Variants in RNF216 observed in about 807,000 individuals in gnomAD.
RNF216 encodes E3 ubiquitin-protein ligase RNF216.
RNF216 carries 72 observed loss-of-function variants against 110.8 expected under a neutral mutation model. The observed-to-expected ratio is 0.65, with a 90% CI of 0.54 to 0.79. RNF216 has a LOEUF of 0.79. Ranked by LOEUF, RNF216 falls within the 30% of genes least tolerant of loss-of-function variation. The pLI is 0.00. For missense variants in RNF216, 1,342 were observed against 1,141.2 expected (o/e 1.18, Z -2.54); for synonymous variants, 495 against 407.5 (o/e 1.21, Z -2.59).
At chr7:5,749,946 A>C (rs910896088) in intron 3 of RNF216, among the ~76,000 whole-genome samples, 2 of 152,178 alleles carry the variant, frequency 1.3e-5, no homozygotes, top group African/African-American at 2.4e-5. Context: ...GATTTAAGGA[A>C]ACTTTTTTCT....
At chr7:5,773,812 C>G (rs555938261) in intron 1 of RNF216, among the ~76,000 whole-genome samples, 91 of 152,304 alleles carry the variant, frequency 6.0e-4, no homozygotes, top group South Asian at 1.0e-3. Context: ...AGTGATCTGC[C>G]TGCCTCAGCC....
In RNF216 at chr7:5,696,940, C is replaced by G. The variant is rs1449668447; in HGVS notation, c.2061+14821G>C. On this transcript the variant is annotated intron_variant, in intron 13 of 16. Coordinates refer to ENST00000389902, the MANE Select transcript of RNF216 (RefSeq NM_207111.4). This position sits in a 1 kb window ranked among gnomAD's most constrained non-coding sequence, Gnocchi z 5.4. ...TCAAGGATCTACAAAATTCACCCTC[C>G]CACAAGCAGCATGTGATCCCACTGT... Among the ~76,000 whole-genome samples the G allele has an allele frequency of 6.6e-6, 1 of 152,106 alleles. No homozygotes were observed. The highest frequency in any genetic ancestry group is 1.5e-5 in the Non-Finnish European group (1 of 67,998).
chr7:5,641,965 G>A lies in RNF216; in HGVS notation c.2160-589C>T, dbSNP rs941919197. Among the ~76,000 whole-genome samples, 3 of 147,158 alleles carry A rather than the reference G, an allele frequency of 2.0e-5. No individual in the cohort carries two copies. In the Admixed American group the frequency reaches 2.0e-4, roughly 10 times the overall value. The stretch of plus-strand genomic sequence containing the variant: ...GGAGAATCGCTTAAACCCGGGAGGT[G>A]AAGGCTGCAGTGAGCTGAGACCGTG... On this transcript the variant is annotated intron_variant, in intron 14 of 16. Transcript: ENST00000389902.
At chr7:5,730,654 C>A in intron 6 of RNF216, 61 bp downstream of exon 6, 1 of 1,599,082 alleles carries the variant, frequency 6.3e-7, no homozygotes, top group Non-Finnish European at 8.5e-7. Context: ...ACAACAACAA[C>A]AACAACAACA....
chr7:5,778,419 C>A (rs1467013327), intron 1 of RNF216, among the ~76,000 whole-genome samples: 1 of 152,184 alleles, frequency 6.6e-6, no homozygotes, highest in Non-Finnish European at 1.5e-5. Flanking sequence ...ACACAACGTA[C>A]CTCATTTCTT....
At chr7:5,641,039 T>C in intron 15 of RNF216, 115 bp downstream of exon 15, 1 of 805,604 alleles carries the variant, frequency 1.2e-6, no homozygotes, top group Non-Finnish European at 1.9e-6. Flanking sequence ...GTCTATGTAA[T>C]TTCCTATATT....
chr7:5,766,203 T>A (rs1796200273), intron 1 of RNF216, among the ~76,000 whole-genome samples: 1 of 151,772 alleles, frequency 6.6e-6, no homozygotes, highest in South Asian at 2.1e-4. Flanking sequence ...AGCAGGAGGA[T>A]CTCCTGAACC....
chr7:5,749,211 C>T (rs980380914), intron 3 of RNF216, among the ~76,000 whole-genome samples: 25 of 147,254 alleles, frequency 1.7e-4, no homozygotes, highest in Middle Eastern at 7.3e-3. Context: ...AGTGCAGTGG[C>T]GTGATCTTGG....
Position 5,652,505 on chromosome 7 carries a change from G to C in RNF216, c.2067C>G (p.Thr689=), listed in dbSNP as rs368304531. Residue 689 remains threonine (T), a synonymous_variant, in exon 14 of 17, where the codon ACC becomes ACG. Coordinates refer to ENST00000389902, the MANE Select transcript of RNF216 (RefSeq NM_207111.4). ...SCPNPHCRKE[T]CRKCQGLWKE... is the part of the protein sequence containing the mutation. ...TCCAGAGTCCCTGACACTTCCTACAGGTTTCCTGGGGATAAAGGACAGACA... is the reference window on the plus strand; with the variant it reads ...TCCAGAGTCCCTGACACTTCCTACACGTTTCCTGGGGATAAAGGACAGACA... 9.9e-6 allele frequency: 16 copies of C among 1,610,388 alleles called. No individual in the cohort carries two copies. The African/African-American group carries it at 1.6e-4, about 16-fold the overall frequency.
At chr7:5,756,050 CGA>C (rs776407735) in intron 2 of RNF216, among the ~76,000 whole-genome samples, 14 of 152,140 alleles carry the variant, frequency 9.2e-5, no homozygotes, top group African/African-American at 2.4e-5. Context: ...CCACAAGTCA[CGA>C]GCGGGACAGG....
chr7:5,653,997 A>G (rs1014573919), intron 13 of RNF216, among the ~76,000 whole-genome samples: 1 of 152,226 alleles, frequency 6.6e-6, no homozygotes, highest in Non-Finnish European at 1.5e-5. Context: ...TCCTATGAGC[A>G]CTAGGAAGCC....
chr7:5,696,213 T>A lies in RNF216; in HGVS notation c.2061+15548A>T, dbSNP rs1042901281. Among the ~76,000 whole-genome samples the A allele has an allele frequency of 2.0e-5, 3 of 152,106 alleles. No homozygotes were observed. The highest frequency in any genetic ancestry group is 7.2e-5 in the African/African-American group (3 of 41,412). On this transcript the variant is annotated intron_variant, in intron 13 of 16. Transcript: ENST00000389902. The surrounding 1 kb of genome is among the most constrained non-coding windows in gnomAD (Gnocchi z 5.4). ...TGGCTTTAAATTGTTTGTATTTCTG[T>A]CAGGAGGCCCATGGAAAAAAAGCAG... is the stretch of plus-strand genomic sequence containing the variant.
At chr7:5,740,845 T>C (rs1794711492) in intron 4 of RNF216, 128 bp downstream of exon 4, 1 of 826,348 alleles carries the variant, frequency 1.2e-6, no homozygotes, top group African/African-American at 1.7e-5. Context: ...TCTGTACATC[T>C]AGATATATAC....
intron 1 of RNF216, among the ~76,000 whole-genome samples, chr7:5,767,916 G>C (rs909829936): frequency 2.5e-4 from 38 of 152,060 alleles, no homozygotes; most frequent in Admixed American, 6.6e-5. Context: ...AGAGATTAAA[G>C]GTCAAGCCCA....
intron 13 of RNF216, among the ~76,000 whole-genome samples, chr7:5,655,289 T>C (rs562713004): frequency 1.3e-5 from 2 of 152,256 alleles, no homozygotes; most frequent in East Asian, 3.9e-4. Flanking sequence ...AGGGCGCTTC[T>C]TACTGAAGGG....
At chr7:5,652,388 A>G in intron 14 of RNF216, 25 bp downstream of exon 14, 1 of 1,513,210 alleles carries the variant, frequency 6.6e-7, no homozygotes, top group Non-Finnish European at 9.2e-7. Context: ...ATCAGCCCAT[A>G]GCCCCTCTGA....
At chr7:5,745,637 C>T (rs560270307) in intron 3 of RNF216, among the ~76,000 whole-genome samples, 70 of 151,954 alleles carry the variant, frequency 4.6e-4, no homozygotes, top group African/African-American at 1.4e-3. Context: ...CGGTGGCTCA[C>T]GCCTGTAATC....
intron 13 of RNF216, among the ~76,000 whole-genome samples, chr7:5,675,911 G>A (rs143961648): frequency 0.042 from 6,416 of 151,992 alleles, 187 homozygotes; most frequent in Middle Eastern, 0.065. Context: ...GTTTCTCTAT[G>A]TTGGTCAGGC....
At chr7:5,637,971 G>T (rs559647364) in intron 15 of RNF216, among the ~76,000 whole-genome samples, 1 of 152,266 alleles carries the variant, frequency 6.6e-6, no homozygotes, top group East Asian at 1.9e-4. Flanking sequence ...TCAGGCTCCC[G>T]AGCAGCTGGG....
Sources: gnomAD v4.1 joint callset for allele counts (sites outside exome capture counted in the v4.1 genomes callset) on GRCh38, gnomAD v4.1.1 for gene constraint, Gnocchi (gnomAD v3.1) non-coding constraint, MANE v1.5 for transcripts, NCBI Gene and HGNC (gene_info 2026-07-23, HGNC 2026-07-21) for gene names.